Variants in MAGI1 observed in about 807,000 individuals in gnomAD.
The protein encoded by MAGI1 is membrane-associated guanylate kinase, WW and PDZ domain-containing protein 1.
In MAGI1, 58 loss-of-function variants were observed where a neutral mutation model predicts 139.9. The ratio of observed to expected loss-of-function variants is 0.41; its 90% CI spans 0.34 to 0.52. The LOEUF (loss-of-function observed/expected upper bound fraction) is 0.52, where lower values mean the gene tolerates loss of function less well. MAGI1 is among the 20% of genes least tolerant of loss of function. The pLI is 0.12. For synonymous variants in MAGI1, 812 were observed against 737.9 expected (o/e 1.10, Z -1.63); for missense variants, 1,874 against 1,901.6 (o/e 0.99, Z 0.27).
Position 65,950,085 on chromosome 3 carries a change from A to C in MAGI1, c.313+87911T>G, listed in dbSNP as rs139022363. On this transcript the variant is annotated intron_variant, in intron 1 of 22. Transcript: ENST00000402939. The stretch of plus-strand genomic sequence containing the variant: ...AAAAAAACAAAAAAAAAACAAAAAA[A>C]AAAACAAACAAAAAAAAAAAACAGA... Among the ~76,000 whole-genome samples, 102 of 74,314 alleles carry C rather than the reference A, an allele frequency of 1.4e-3. 1 individual carries two copies. Among genetic ancestry groups the C allele is most frequent in the Non-Finnish European group, 1.7e-3 (54 of 32,256 alleles). 48.8% of individuals were successfully genotyped at this position (74,314 alleles called of 152,430 possible). A position where few individuals can be genotyped will look rare whatever the true frequency, so the allele number is the denominator to read the frequency against.
At chr3:65,389,876 G>A (rs1357201000) in intron 14 of MAGI1, among the ~76,000 whole-genome samples, 1 of 152,192 alleles carries the variant, frequency 6.6e-6, no homozygotes, top group Admixed American at 6.5e-5. Context: ...CTCCCTTGAG[G>A]AGGAAAAGGA....
intron 1 of MAGI1, among the ~76,000 whole-genome samples, chr3:65,673,802 A>C (rs2087008705): frequency 1.3e-5 from 2 of 152,258 alleles, no homozygotes; most frequent in African/African-American, 4.8e-5. Context: ...TGTCTAGTTC[A>C]ATAAATATTA....
intron 1 of MAGI1, among the ~76,000 whole-genome samples, chr3:66,033,238 G>A (rs953875968): frequency 2.6e-5 from 4 of 152,108 alleles, no homozygotes; most frequent in African/African-American, 9.7e-5. Context: ...TGCCCAGGCT[G>A]GTCTTAAACT....
chr3:65,445,848 A>G (rs1229337949), intron 7 of MAGI1, among the ~76,000 whole-genome samples: 2 of 152,224 alleles, frequency 1.3e-5, no homozygotes, highest in Admixed American at 6.5e-5. Context: ...GGCCGATTAC[A>G]AAGAGGGTTT....
intron 1 of MAGI1, among the ~76,000 whole-genome samples, chr3:65,869,278 C>CTAATTGAT (rs1476234633): frequency 6.7e-6 from 1 of 149,714 alleles, no homozygotes; most frequent in Non-Finnish European, 1.5e-5. Flanking sequence ...AAAACAACAA[C>CTAATTGAT]TAATTGATTA....
intron 1 of MAGI1, among the ~76,000 whole-genome samples, chr3:65,950,126 G>GTTGT (rs2063760422): frequency 9.8e-6 from 1 of 102,386 alleles, no homozygotes. Context: ...CAATATTACT[G>GTTGT]TTTTTTTTTT....
intron 12 of MAGI1, among the ~76,000 whole-genome samples, chr3:65,419,227 C>CAT (rs1946459160): frequency 1.4e-5 from 2 of 142,460 alleles, no homozygotes; most frequent in Admixed American, 7.1e-5. Flanking sequence ...TTCATACACA[C>CAT]ACACACACAC....
At chr3:65,587,085 A>G (rs557476401) in intron 2 of MAGI1, among the ~76,000 whole-genome samples, 40 of 152,116 alleles carry the variant, frequency 2.6e-4, no homozygotes, top group Non-Finnish European at 4.9e-4. Context: ...GTTGAAGCTC[A>G]TTTGAAATCT....
intron 10 of MAGI1, among the ~76,000 whole-genome samples, chr3:65,434,586 A>C (rs1228654673): frequency 6.6e-6 from 1 of 152,172 alleles, no homozygotes; most frequent in Admixed American, 6.6e-5. Flanking sequence ...ACAGTCTATC[A>C]ACACTAGATA....
chr3:65,595,653 C>A (rs1281147621), intron 2 of MAGI1, among the ~76,000 whole-genome samples: 1 of 152,144 alleles, frequency 6.6e-6, no homozygotes, highest in African/African-American at 2.4e-5. Flanking sequence ...AAAAGAATAA[C>A]GGACCGATTC....
At chr3:65,475,806 T>G (rs1246939298) in intron 4 of MAGI1, among the ~76,000 whole-genome samples, 1 of 151,946 alleles carries the variant, frequency 6.6e-6, no homozygotes, top group Non-Finnish European at 1.5e-5. Flanking sequence ...CCCAGATGCT[T>G]CTGGCCAATA....
At chr3:65,890,384 C>A (rs1433215227) in intron 1 of MAGI1, among the ~76,000 whole-genome samples, 2 of 152,006 alleles carry the variant, frequency 1.3e-5, no homozygotes, top group Admixed American at 6.6e-5. Context: ...AACAAACAAA[C>A]AAAAAAACTC....
chr3:65,924,655 C>T (rs932705406), intron 1 of MAGI1, among the ~76,000 whole-genome samples: 1 of 152,122 alleles, frequency 6.6e-6, no homozygotes, highest in South Asian at 2.1e-4. Context: ...CTCTTAATTA[C>T]CGAAGGTCCA....
intron 1 of MAGI1, among the ~76,000 whole-genome samples, chr3:65,858,794 T>C (rs956191446): frequency 6.6e-6 from 1 of 152,256 alleles, no homozygotes; most frequent in African/African-American, 2.4e-5. Context: ...TATGCAAATA[T>C]ATCTGCTCCA....
intron 2 of MAGI1, among the ~76,000 whole-genome samples, chr3:65,595,724 C>G (rs1182510699): frequency 1.4e-5 from 2 of 144,702 alleles, no homozygotes; most frequent in African/African-American, 5.1e-5. Context: ...TCTTTTTAAA[C>G]ACAGAAATAC....
intron 15 of MAGI1, 61 bp from the exon 16 acceptor site, chr3:65,382,130 A>T: frequency 7.5e-7 from 1 of 1,330,168 alleles, no homozygotes; most frequent in South Asian, 1.4e-5. Context: ...TTACATCAAT[A>T]GCCTTCACAT....
intron 1 of MAGI1, among the ~76,000 whole-genome samples, chr3:65,656,308 C>T (rs995753514): frequency 1.3e-5 from 2 of 152,140 alleles, no homozygotes; most frequent in African/African-American, 4.8e-5. Context: ...CTTAAGCTGC[C>T]TGTGACACTG....
intron 1 of MAGI1, among the ~76,000 whole-genome samples, chr3:65,908,483 A>G (rs1360891194): frequency 6.6e-6 from 1 of 152,048 alleles, no homozygotes; most frequent in Non-Finnish European, 1.5e-5. Context: ...ACAGGGTTTC[A>G]CCATCTTGGC....
intron 2 of MAGI1, among the ~76,000 whole-genome samples, chr3:65,613,017 A>C (rs1357750981): frequency 6.6e-6 from 1 of 152,192 alleles, no homozygotes; most frequent in Admixed American, 6.5e-5. Context: ...ATATGTTATT[A>C]GGAGGAGACT....
Sources: gnomAD v4.1 joint callset for allele counts (sites outside exome capture counted in the v4.1 genomes callset) on GRCh38, gnomAD v4.1.1 for gene constraint, MANE v1.5 for transcripts, NCBI Gene and HGNC (gene_info 2026-07-23, HGNC 2026-07-21) for gene names.